HNF1B: variants seen among roughly 807,000 people sequenced by gnomAD.
HNF1B encodes HNF1 homeobox B.
A neutral mutation model predicts 61.7 loss-of-function variants in HNF1B; 8 were observed. The ratio of observed to expected loss-of-function variants is 0.13; its 90% CI spans 0.08 to 0.23. The LOEUF (loss-of-function observed/expected upper bound fraction) is 0.23, where lower values mean the gene tolerates loss of function less well. HNF1B is among the 10% of genes least tolerant of loss of function. The pLI, the probability that HNF1B is intolerant of heterozygous loss-of-function variation, is 1.00. For synonymous variants in HNF1B, 314 were observed against 287.7 expected (o/e 1.09, Z -0.93); for missense variants, 562 against 714.5 (o/e 0.79, Z 2.43).
At chr17:37,735,879 C>G (rs978693899) in intron 2 of HNF1B, among the ~76,000 whole-genome samples, 1 of 152,154 alleles carries the variant, frequency 6.6e-6, no homozygotes, top group African/African-American at 2.4e-5. Context: ...TCGCCTTAGC[C>G]TCCCAAGTAG....
chr17:37,701,113 G>A lies in HNF1B; in HGVS notation c.1404C>T (p.Ala468=). The A allele has an allele frequency of 6.4e-7, 1 of 1,552,346 alleles. No homozygotes were observed. Among genetic ancestry groups the A allele is most frequent in the Non-Finnish European group, 8.7e-7 (1 of 1,147,788 alleles). The change falls in exon 7 of 9, where the codon GCC becomes GCT. Residue 468 remains alanine (A), a synonymous_variant. Transcript: ENST00000617811. ...GCTGGGAGAACTGGACGGGCTGCAGGGCTGCCAGGCTGCCGGCCACACTGT... is the reference window on the plus strand; with the variant it reads ...GCTGGGAGAACTGGACGGGCTGCAGAGCTGCCAGGCTGCCGGCCACACTGT... The part of the protein sequence containing the change: ...VINSVAGSLA[A]LQPVQFSQQL...
intron 4 of HNF1B, among the ~76,000 whole-genome samples, chr17:37,727,483 G>GC (rs1412494897): frequency 6.6e-6 from 1 of 152,170 alleles, no homozygotes. Flanking sequence ...CTGGTTCAAA[G>GC]CCCCAACTTA....
rs539394590 is a variant in HNF1B, at chr17:37,723,302, G to A, written c.1045+8293C>T. 5.9e-5 allele frequency among the ~76,000 whole-genome samples: 9 copies of A among 151,866 alleles called. No homozygotes were observed. The South Asian group carries it at 6.3e-4, about 11-fold the overall frequency. On this transcript the variant is annotated intron_variant, in intron 4 of 8. Coordinates refer to ENST00000617811, the MANE Select transcript of HNF1B (RefSeq NM_000458.4). ...GCGGAGCTTGCAGTGAGCCGAGATC[G>A]CGCCACTGCACTCCAGCCTGGGAGA...
At chr17:37,744,490 C>T (rs758294890) in intron 1 of HNF1B, 51 bp downstream of exon 1, 35 of 1,576,054 alleles carry the variant, frequency 2.2e-5, no homozygotes, top group Non-Finnish European at 3.4e-6. Flanking sequence ...AGGCCCGGGG[C>T]CGGGGCTCCA....
chr17:37,744,907 G>A lies in HNF1B; in HGVS notation c.-23C>T, dbSNP rs757872420. On this transcript the variant is annotated 5_prime_UTR_variant, in exon 1 of 9. Coordinates refer to ENST00000617811, the MANE Select transcript of HNF1B (RefSeq NM_000458.4). ...CATTTTCCAAGGACGGAAAAAGAAGGGGGTGAGGGGGTGGGTGGGTGCGAG... is the reference window on the plus strand; with the variant it reads ...CATTTTCCAAGGACGGAAAAAGAAGAGGGTGAGGGGGTGGGTGGGTGCGAG... 29 of 1,535,500 alleles carry A rather than the reference G, an allele frequency of 1.9e-5. No homozygotes were observed. The highest frequency in any genetic ancestry group is 2.6e-5 in the Non-Finnish European group (29 of 1,110,956).
intron 5 of HNF1B, among the ~76,000 whole-genome samples, chr17:37,707,077 T>A (rs538471663): frequency 1.3e-5 from 2 of 152,116 alleles, no homozygotes; most frequent in Admixed American, 6.6e-5. Flanking sequence ...GCAACCTTGA[T>A]CAAGTTACTT....
chr17:37,718,001 A>C (rs1193152642), intron 4 of HNF1B, among the ~76,000 whole-genome samples: 1 of 152,216 alleles, frequency 6.6e-6, no homozygotes, highest in Admixed American at 6.5e-5. Context: ...TGGCTTAGTT[A>C]GGAGCTCAAT....
chr17:37,731,933 A>G (rs1432485609), intron 3 of HNF1B, 103 bp from the exon 4 acceptor site: 2 of 774,744 alleles, frequency 2.6e-6, no homozygotes, highest in African/African-American at 3.4e-5. Flanking sequence ...TGGGAGTATG[A>G]AGGGGCCGTG....
rs1285180155 is a variant in HNF1B, at chr17:37,689,606, C to T, written c.1654-2214G>A. On this transcript the variant is annotated intron_variant, in intron 8 of 8. Transcript: ENST00000617811. ...CACTGTGGTCCCTTAGAACTGGAGGCCCAGCACACGCAGCCCCACGGGGGC... is the reference window on the plus strand; with the variant it reads ...CACTGTGGTCCCTTAGAACTGGAGGTCCAGCACACGCAGCCCCACGGGGGC... 2.0e-5 allele frequency among the ~76,000 whole-genome samples: 3 copies of T among 152,358 alleles called. No homozygotes were observed. The East Asian group carries it at 5.8e-4, about 29-fold the overall frequency.
chr17:37,709,749 G>A (rs1338400915), intron 5 of HNF1B, among the ~76,000 whole-genome samples: 1 of 152,208 alleles, frequency 6.6e-6, no homozygotes, highest in East Asian at 1.9e-4. Context: ...AAACACTGCA[G>A]AGTATTTCTC....
intron 1 of HNF1B, among the ~76,000 whole-genome samples, chr17:37,741,071 T>C (rs1667800099): frequency 6.6e-6 from 1 of 152,170 alleles, no homozygotes; most frequent in African/African-American, 2.4e-5. Context: ...TTGATATATA[T>C]ATTAGCTTGA....
chr17:37,739,885 G>A (rs746892757), intron 1 of HNF1B, among the ~76,000 whole-genome samples: 5 of 151,812 alleles, frequency 3.3e-5, no homozygotes, highest in Non-Finnish European at 7.4e-5. Context: ...CCCATCTTCA[G>A]GAATAAAAAA....
At chr17:37,705,310 A>G (rs1018390972) in intron 5 of HNF1B, among the ~76,000 whole-genome samples, 15 of 152,210 alleles carry the variant, frequency 9.9e-5, no homozygotes, top group African/African-American at 3.6e-4. Flanking sequence ...TCTACAAAAA[A>G]AGAAAAAAAC....
At chr17:37,727,095 G>A (rs1033997070) in intron 4 of HNF1B, among the ~76,000 whole-genome samples, 3 of 152,120 alleles carry the variant, frequency 2.0e-5, no homozygotes, top group Admixed American at 6.6e-5. Context: ...TTTCCATCCC[G>A]CGCCAACTTC....
At chr17:37,730,442 C>A in intron 4 of HNF1B, 1 of 152,528 alleles carries the variant, frequency 6.6e-6, no homozygotes, top group Non-Finnish European at 1.5e-5. Context: ...ACCCCCAGCA[C>A]TGGCCCCACC....
chr17:37,721,584 G>T (rs1461888991), intron 4 of HNF1B, among the ~76,000 whole-genome samples: 1 of 152,022 alleles, frequency 6.6e-6, no homozygotes, highest in Non-Finnish European at 1.5e-5. Flanking sequence ...CCTAGTCCAA[G>T]GCCCCTCACC....
At chr17:37,744,447 G>C (rs2147597941) in intron 1 of HNF1B, 94 bp downstream of exon 1, 1 of 1,303,710 alleles carries the variant, frequency 7.7e-7, no homozygotes, top group East Asian at 2.3e-5. Context: ...TGGGAAACGG[G>C]CTTGGCGAGT....
rs2032481856 is a variant in HNF1B, at chr17:37,699,169, G to T, written c.1560C>A (p.Pro520=). 2 of 1,613,924 alleles carry T rather than the reference G, an allele frequency of 1.2e-6. No individual in the cohort carries two copies. Among genetic ancestry groups the T allele is most frequent in the African/African-American group, 2.7e-5 (2 of 74,870 alleles). Reference sequence around the variant, plus strand: ...GAAACCGGGAGGTGTGGGAATACTGGGGGGGTTCCTGCTTGTGTGCGTACA... The same window carrying T: ...GAAACCGGGAGGTGTGGGAATACTGTGGGGGTTCCTGCTTGTGTGCGTACA... ...SHMYAHKQEP[P]QYSHTSRFPS... Residue 520 remains proline, a synonymous_variant, in exon 8 of 9, where the codon CCC becomes CCA. Transcript: ENST00000617811.
chr17:37,729,534 A>G (rs1331889811), intron 4 of HNF1B: 5 of 151,870 alleles, frequency 3.3e-5, no homozygotes. Context: ...GATCTATTAC[A>G]CCGCAGAAAG....
Sources: gnomAD v4.1 joint callset for allele counts (sites outside exome capture counted in the v4.1 genomes callset) on GRCh38, gnomAD v4.1.1 for gene constraint, MANE v1.5 for transcripts, NCBI Gene and HGNC (gene_info 2026-07-23, HGNC 2026-07-21) for gene names.